RNF168: variants seen among roughly 807,000 people sequenced by gnomAD.
RNF168 encodes E3 ubiquitin-protein ligase RNF168.
Under a neutral mutation model 34.9 loss-of-function variants are expected in RNF168, and 34 were observed. The observed-to-expected ratio is 0.97, with a 90% CI of 0.74 to 1.30. The LOEUF (loss-of-function observed/expected upper bound fraction) is 1.30, where lower values mean the gene tolerates loss of function less well. Among genes scored for constraint, RNF168 ranks in the 50% most tolerant of loss-of-function variants. RNF168 has a pLI of 0.00. For synonymous variants in RNF168, 264 were observed against 254.7 expected (o/e 1.04, Z -0.35); for missense variants, 725 against 682.5 (o/e 1.06, Z -0.69).
intron 3 of RNF168, among the ~76,000 whole-genome samples, chr3:196,485,333 C>T (rs540931135): frequency 6.6e-6 from 1 of 152,112 alleles, no homozygotes; most frequent in South Asian, 2.1e-4. Flanking sequence ...CATGGTGAAA[C>T]CCCATCGGCA....
At chr3:196,494,333 T>C (rs959007900) in intron 1 of RNF168, among the ~76,000 whole-genome samples, 1 of 152,240 alleles carries the variant, frequency 6.6e-6, no homozygotes, top group Non-Finnish European at 1.5e-5. Context: ...CTACTCGATA[T>C]TTTGCTTCTT....
At chr3:196,486,297 C>G (rs560490240) in intron 3 of RNF168, among the ~76,000 whole-genome samples, 1 of 152,002 alleles carries the variant, frequency 6.6e-6, no homozygotes, top group African/African-American at 2.4e-5. Flanking sequence ...AAAATGTAAG[C>G]AGCAAAACAG....
intron 1 of RNF168, among the ~76,000 whole-genome samples, chr3:196,489,686 T>C (rs1444413475): frequency 1.3e-5 from 2 of 152,056 alleles, no homozygotes; most frequent in East Asian, 1.9e-4. Flanking sequence ...ATAGAGATAA[T>C]TGATACAGCA....
chr3:196,478,481 G>C (rs114324792), intron 4 of RNF168, among the ~76,000 whole-genome samples: 1 of 152,050 alleles, frequency 6.6e-6, no homozygotes, highest in Admixed American at 6.6e-5. Context: ...ATCTTCTTCC[G>C]ACATGTGGCT....
intron 4 of RNF168, among the ~76,000 whole-genome samples, chr3:196,481,500 A>C (rs763310351): frequency 6.6e-5 from 10 of 151,964 alleles, no homozygotes; most frequent in Non-Finnish European, 1.5e-4. Context: ...GTGATGTAAG[A>C]TTTTGGTAGA....
chr3:196,502,551 G>A (rs111600219), intron 1 of RNF168, among the ~76,000 whole-genome samples: 9,228 of 151,348 alleles, frequency 0.061, 342 homozygotes, highest in Middle Eastern at 0.2. Context: ...TCGCGCCACT[G>A]CACTCCAGCC....
chr3:196,489,534 C>T (rs1484495769), intron 1 of RNF168, among the ~76,000 whole-genome samples: 1 of 152,052 alleles, frequency 6.6e-6, no homozygotes, highest in African/African-American at 2.4e-5. Flanking sequence ...GCCATGTTGG[C>T]CAGGCTGGTT....
chr3:196,487,730 G>A (rs897940815), intron 2 of RNF168, 152 bp from the exon 3 acceptor site: 1 of 798,594 alleles, frequency 1.3e-6, no homozygotes, highest in Non-Finnish European at 2.1e-6. Flanking sequence ...GTAGATTCCT[G>A]CAAGATAGCT....
In RNF168 at chr3:196,475,320, A is replaced by G; in HGVS notation, c.681-8T>C. On this transcript the variant is annotated splice_polypyrimidine_tract_variant and splice_region_variant and intron_variant, in intron 4 of 5. Coordinates refer to ENST00000318037, the MANE Select transcript of RNF168 (RefSeq NM_152617.4). ...GATTTCGGTGTCAAATACCTAAAAG[A>G]AAAGTTTACCAAAGTTTCAATGCTT... The G allele has an allele frequency of 6.4e-7, 1 of 1,562,888 alleles. No individual in the cohort carries two copies. The highest frequency in any genetic ancestry group is 8.8e-7 in the Non-Finnish European group (1 of 1,133,242).
chr3:196,498,783 T>A (rs1373024784), intron 1 of RNF168, among the ~76,000 whole-genome samples: 1 of 151,806 alleles, frequency 6.6e-6, no homozygotes, highest in African/African-American at 2.4e-5. Context: ...TCACCTGAGG[T>A]CAGGAGTTCG....
intron 1 of RNF168, among the ~76,000 whole-genome samples, chr3:196,499,013 T>A (rs1009268133): frequency 1.3e-5 from 2 of 150,476 alleles, no homozygotes; most frequent in African/African-American, 4.9e-5. Flanking sequence ...AAAGAATAAA[T>A]CTTGAACCTT....
intron 1 of RNF168, among the ~76,000 whole-genome samples, chr3:196,493,376 A>G (rs1009406747): frequency 1.3e-5 from 2 of 152,168 alleles, no homozygotes; most frequent in Non-Finnish European, 2.9e-5. Context: ...TTGTTTTTGG[A>G]AACAAGATCT....
chr3:196,480,708 T>TCA (rs1404207340), intron 4 of RNF168, among the ~76,000 whole-genome samples: 1 of 152,188 alleles, frequency 6.6e-6, no homozygotes, highest in Non-Finnish European at 1.5e-5. Flanking sequence ...AGTGGTAAAA[T>TCA]CACAGCTCAC....
At chr3:196,480,134 C>T (rs938791326) in intron 4 of RNF168, among the ~76,000 whole-genome samples, 2 of 152,162 alleles carry the variant, frequency 1.3e-5, no homozygotes, top group Non-Finnish European at 2.9e-5. Context: ...AGGATTGGTG[C>T]ACCGTCTTTT....
At chr3:196,500,591 A>G (rs569795008) in intron 1 of RNF168, among the ~76,000 whole-genome samples, 17 of 152,352 alleles carry the variant, frequency 1.1e-4, no homozygotes, top group African/African-American at 3.8e-4. Flanking sequence ...ACGGATGCAC[A>G]GCAGTGTGAA....
At chr3:196,484,827 T>A (rs1484563471) in intron 3 of RNF168, among the ~76,000 whole-genome samples, 8 of 152,084 alleles carry the variant, frequency 5.3e-5, no homozygotes, top group Non-Finnish European at 8.8e-5. Context: ...TACTTTTTTT[T>A]AAATGCTTTG....
intron 5 of RNF168, chr3:196,474,762 T>C (rs1732103058): frequency 5.7e-6 from 1 of 174,256 alleles, no homozygotes; most frequent in East Asian, 1.5e-4. Flanking sequence ...CTTGTAACAT[T>C]CTAAGTGAAG....
chr3:196,471,535 TG>T lies in RNF168; in HGVS notation c.*283del. ...CAGTTTTTGGAAAGACAATGGCACTTGAAGATTTCCTGGAGTTGGCCAAAGC... is the reference window on the plus strand; with the variant it reads ...CAGTTTTTGGAAAGACAATGGCACTTAAGATTTCCTGGAGTTGGCCAAAGC... On this transcript the variant is annotated 3_prime_UTR_variant, in exon 6 of 6. Transcript: ENST00000318037. 1 of 366,968 alleles carries T rather than the reference TG, an allele frequency of 2.7e-6. No individual in the cohort carries two copies. Among genetic ancestry groups the T allele is most frequent in the Non-Finnish European group, 5.1e-6 (1 of 197,800 alleles). 22.7% of individuals were successfully genotyped at this position (366,968 alleles called of 1,614,324 possible). A position where few individuals can be genotyped will look rare whatever the true frequency, so the allele number is the denominator to read the frequency against.
intron 4 of RNF168, among the ~76,000 whole-genome samples, chr3:196,483,078 C>A (rs373066352): frequency 4.0e-5 from 6 of 151,364 alleles, no homozygotes; most frequent in Admixed American, 6.6e-5. Flanking sequence ...TGAGTACTGG[C>A]GACACTGATA....
Sources: allele counts gnomAD v4.1 joint callset (sites outside exome capture counted in the v4.1 genomes callset), GRCh38; gene constraint gnomAD v4.1.1; transcripts MANE v1.5; gene names NCBI Gene and HGNC (gene_info 2026-07-23, HGNC 2026-07-21).